WIPF1: variants seen among roughly 807,000 people sequenced by gnomAD.
WIPF1 encodes WAS/WASL interacting protein family member 1, also known as WAS/WASL-interacting protein family member 1.
A neutral mutation model predicts 35.4 loss-of-function variants in WIPF1; 13 were observed. The observed-to-expected ratio is 0.37, with a 90% CI of 0.24 to 0.58. The LOEUF (loss-of-function observed/expected upper bound fraction) is 0.58, where lower values mean the gene tolerates loss of function less well. Among genes scored for constraint, WIPF1 ranks in the 20% least tolerant of loss-of-function variants. The pLI is 0.74. For missense variants in WIPF1, 591 were observed against 667.0 expected, an observed-to-expected ratio of 0.89 and a Z score of 1.25; for synonymous variants, 267 against 266.3, an observed-to-expected ratio of 1.00 and a Z score of -0.02.
At chr2:174,616,128 A>C (rs1313399306) in intron 1 of WIPF1, among the ~76,000 whole-genome samples, 1 of 152,160 alleles carries the variant, frequency 6.6e-6, no homozygotes, top group Non-Finnish European at 1.5e-5. Flanking sequence ...TTCAAAAAGC[A>C]TCTGTATATG....
intron 1 of WIPF1, chr2:174,677,018 TG>T (rs1387064010): frequency 2.0e-5 from 3 of 151,984 alleles, no homozygotes; most frequent in African/African-American, 7.3e-5. Context: ...CAAGGCACGG[TG>T]GTGCACACCT....
intron 1 of WIPF1, among the ~76,000 whole-genome samples, chr2:174,671,128 C>T (rs535730450): frequency 3.0e-4 from 46 of 152,272 alleles, no homozygotes; most frequent in African/African-American, 1.0e-3. Context: ...TCAGGGACCC[C>T]GAATGGAGGG....
chr2:174,681,211 C>G (rs942251102), intron 1 of WIPF1, among the ~76,000 whole-genome samples: 1 of 152,184 alleles, frequency 6.6e-6, no homozygotes, highest in East Asian at 1.9e-4. Context: ...GAACTGGTTT[C>G]ATAACATCTG....
chr2:174,562,876 T>C (rs868647759), intron 7 of WIPF1, among the ~76,000 whole-genome samples: 21 of 152,222 alleles, frequency 1.4e-4, no homozygotes, highest in Admixed American at 7.2e-4. Context: ...GTGCTTATTA[T>C]AGATTTAGAA....
intron 1 of WIPF1, among the ~76,000 whole-genome samples, chr2:174,654,438 G>T (rs1167309669): frequency 2.0e-5 from 3 of 151,724 alleles, no homozygotes; most frequent in African/African-American, 7.3e-5. Flanking sequence ...TTGTCTGAAG[G>T]CCCCCTTTCT....
At chr2:174,668,711 C>T (rs1481788087) in intron 1 of WIPF1, among the ~76,000 whole-genome samples, 9 of 152,210 alleles carry the variant, frequency 5.9e-5, no homozygotes, top group Non-Finnish European at 1.3e-4. Flanking sequence ...CACTGCTTCC[C>T]GCTGCCCTTT....
intron 1 of WIPF1, among the ~76,000 whole-genome samples, chr2:174,593,046 AG>A (rs1685674675): frequency 6.6e-6 from 1 of 151,746 alleles, no homozygotes; most frequent in South Asian, 2.1e-4. Flanking sequence ...TATATTGTAG[AG>A]AATACAAAAA....
chr2:174,681,162 A>T (rs1688237042), intron 1 of WIPF1, among the ~76,000 whole-genome samples: 1 of 152,240 alleles, frequency 6.6e-6, no homozygotes, highest in South Asian at 2.1e-4. Flanking sequence ...AAGTTATGGC[A>T]GGGGTTGGGT....
At chr2:174,619,543 A>G (rs1686612757) in intron 1 of WIPF1, among the ~76,000 whole-genome samples, 2 of 152,228 alleles carry the variant, frequency 1.3e-5, no homozygotes, top group Admixed American at 1.3e-4. Context: ...TATAGAATAA[A>G]TTATAGAAAC....
chr2:174,568,194 C>A, intron 5 of WIPF1, 121 bp from the exon 6 acceptor site: 1 of 1,223,578 alleles, frequency 8.2e-7, no homozygotes, highest in South Asian at 1.6e-5. Flanking sequence ...GGGTGATTTT[C>A]TAGGATATTT....
At chr2:174,616,178 A>G (rs761488755) in intron 1 of WIPF1, among the ~76,000 whole-genome samples, 1 of 152,208 alleles carries the variant, frequency 6.6e-6, no homozygotes, top group Non-Finnish European at 1.5e-5. Context: ...TTCAACTCAA[A>G]AGAAACCCAA....
chr2:174,664,470 C>A (rs2105978203), intron 1 of WIPF1, among the ~76,000 whole-genome samples: 1 of 152,348 alleles, frequency 6.6e-6, no homozygotes, highest in South Asian at 2.1e-4. Context: ...ACCTACCACA[C>A]AGAAACTTGG....
intron 3 of WIPF1, among the ~76,000 whole-genome samples, chr2:174,576,412 A>G (rs1373422752): frequency 1.3e-5 from 2 of 152,160 alleles, no homozygotes; most frequent in Non-Finnish European, 2.9e-5. Context: ...CTTTGAAAAC[A>G]TGAGTTTAAA....
At chr2:174,627,194 T>A (rs565917392) in intron 1 of WIPF1, among the ~76,000 whole-genome samples, 2 of 152,222 alleles carry the variant, frequency 1.3e-5, no homozygotes, top group South Asian at 4.1e-4. Context: ...CTCCACAGCA[T>A]GTATCCCTTC....
chr2:174,600,666 A>C (rs1242220410), upstream of WIPF1, among the ~76,000 whole-genome samples: 1 of 152,154 alleles, frequency 6.6e-6, no homozygotes, highest in Non-Finnish European at 1.5e-5. Context: ...TTTTATGCAT[A>C]GCATGCGTCA....
chr2:174,592,323 G>A (rs1370502741), intron 1 of WIPF1, among the ~76,000 whole-genome samples: 9 of 152,282 alleles, frequency 5.9e-5, no homozygotes, highest in Non-Finnish European at 1.0e-4. Context: ...AAGATAAGAA[G>A]CAGCTTTATC....
chr2:174,649,840 G>A (rs773986600), intron 1 of WIPF1, among the ~76,000 whole-genome samples: 45 of 152,164 alleles, frequency 3.0e-4, no homozygotes, highest in African/African-American at 1.1e-3. Context: ...CTGAATAGAC[G>A]TAATTTCTAC....
Position 174,560,305 on chromosome 2 carries a change from G to A in WIPF1, c.*2242C>T, listed in dbSNP as rs1387608473. 6.6e-6 allele frequency: 1 copy of A among 152,610 alleles called. No individual in the cohort carries two copies. Among genetic ancestry groups the A allele is most frequent in the East Asian group, 1.9e-4 (1 of 5,202 alleles). The allele number at this position is 152,610 out of a possible 1,614,324, so 9.5% of individuals were successfully genotyped here. On this transcript the variant is annotated 3_prime_UTR_variant, in exon 8 of 8. Transcript: ENST00000679041. ...TCTATTCTGGATGAATGGCAACTTT[G>A]AGCTATCACCCTGTTTCAGATTTAG... is the stretch of plus-strand genomic sequence containing the variant.
intron 1 of WIPF1, among the ~76,000 whole-genome samples, chr2:174,632,951 C>T (rs76369935): frequency 0.019 from 2,965 of 152,170 alleles, 45 homozygotes; most frequent in Non-Finnish European, 0.029. Context: ...AAGGGCAGTA[C>T]CAGGTACAAG....
Sources: allele counts gnomAD v4.1 joint callset (sites outside exome capture counted in the v4.1 genomes callset), GRCh38; gene constraint gnomAD v4.1.1; transcripts MANE v1.5; gene names NCBI Gene and HGNC (gene_info 2026-07-23, HGNC 2026-07-21).